The following ANKRD55 variants were observed in gnomAD, a reference collection of about 807,000 sequenced individuals.
The protein encoded by ANKRD55 is ankyrin repeat domain-containing protein 55.
In ANKRD55, 41 loss-of-function variants were observed where a neutral mutation model predicts 60.6. That is an observed-to-expected ratio of 0.68 (90% CI 0.53 to 0.88). The LOEUF (loss-of-function observed/expected upper bound fraction) is 0.88. Ranked by LOEUF, ANKRD55 falls within the 40% of genes least tolerant of loss-of-function variation. The pLI is 0.00. For missense variants in ANKRD55, 732 were observed against 767.6 expected (o/e 0.95, Z 0.55); for synonymous variants, 264 against 290.3 (o/e 0.91, Z 0.92).
intron 2 of ANKRD55, among the ~76,000 whole-genome samples, chr5:56,222,064 C>T (rs866379168): frequency 6.6e-6 from 1 of 152,040 alleles, no homozygotes; most frequent in Non-Finnish European, 1.5e-5. Context: ...GGGTCCCTGA[C>T]CCCCGAGTAG....
chr5:56,172,464 C>T (rs1758631476), intron 4 of ANKRD55, among the ~76,000 whole-genome samples: 1 of 151,928 alleles, frequency 6.6e-6, no homozygotes, highest in Admixed American at 6.6e-5. Flanking sequence ...TTCAGAGTTG[C>T]CAAAGATTTA....
chr5:56,194,548 G>A (rs1245627400), intron 2 of ANKRD55, among the ~76,000 whole-genome samples: 3 of 151,940 alleles, frequency 2.0e-5, no homozygotes, highest in Non-Finnish European at 2.9e-5. Context: ...TAATAAAACC[G>A]CACTTTAAAA....
At chr5:56,226,689 A>G (rs925904617) in intron 2 of ANKRD55, among the ~76,000 whole-genome samples, 4 of 152,254 alleles carry the variant, frequency 2.6e-5, no homozygotes, top group African/African-American at 7.2e-5. Flanking sequence ...GTGTGAACAG[A>G]CACTTCTCAA....
intron 10 of ANKRD55, among the ~76,000 whole-genome samples, chr5:56,109,995 G>A (rs192876662): frequency 7.9e-5 from 12 of 152,008 alleles, no homozygotes; most frequent in Admixed American, 5.2e-4. Flanking sequence ...AGGTTGCAGT[G>A]AGCTGAGATT....
At chr5:56,132,975 C>T (rs1007472438) in intron 7 of ANKRD55, among the ~76,000 whole-genome samples, 5 of 152,140 alleles carry the variant, frequency 3.3e-5, no homozygotes, top group East Asian at 1.9e-4. Context: ...GAAGACATAA[C>T]GATCCTTATG....
chr5:56,125,557 A>G (rs188841), intron 8 of ANKRD55: 61,681 of 151,820 alleles, frequency 0.41, 13,290 homozygotes, highest in African/African-American at 0.55. Context: ...TGGGATTATA[A>G]GTGTGAGCCA....
chr5:56,153,080 G>T (rs465325), intron 6 of ANKRD55, among the ~76,000 whole-genome samples: 11 of 152,140 alleles, frequency 7.2e-5, no homozygotes, highest in African/African-American at 2.7e-4. Context: ...AACTCCTATA[G>T]ATCAATAAGA....
intron 6 of ANKRD55, among the ~76,000 whole-genome samples, chr5:56,153,481 A>G (rs1407146992): frequency 6.6e-6 from 1 of 152,162 alleles, no homozygotes; most frequent in Non-Finnish European, 1.5e-5. Flanking sequence ...ATATCCATTC[A>G]TAGGGGAATG....
At chr5:56,100,592 T>A (rs1482857472) in intron 11 of ANKRD55, among the ~76,000 whole-genome samples, 1 of 152,042 alleles carries the variant, frequency 6.6e-6, no homozygotes, top group South Asian at 2.1e-4. Context: ...TGGAGTGGAG[T>A]AGCTGTTGAT....
chr5:56,193,480 G>A (rs1156371821), intron 2 of ANKRD55: 1 of 485,920 alleles, frequency 2.1e-6, no homozygotes, highest in Non-Finnish European at 3.8e-6. Flanking sequence ...TCACTATGTT[G>A]ATTTTACAAC....
intron 7 of ANKRD55, among the ~76,000 whole-genome samples, chr5:56,130,095 C>A (rs1187831485): frequency 1.3e-5 from 2 of 152,188 alleles, no homozygotes; most frequent in Non-Finnish European, 2.9e-5. Context: ...TTTTAGTTGG[C>A]CTGGACTCCA....
intron 7 of ANKRD55, among the ~76,000 whole-genome samples, chr5:56,130,195 T>G (rs114591460): frequency 0.016 from 2,489 of 152,258 alleles, 41 homozygotes; most frequent in Admixed American, 0.041. Flanking sequence ...GTACCTTTTT[T>G]TAATATACCA....
In ANKRD55 at chr5:56,193,437, T is replaced by C. The variant is rs149590102; in HGVS notation, c.59-9803A>G. On this transcript the variant is annotated intron_variant, in intron 2 of 11. Transcript: ENST00000341048. The stretch of plus-strand genomic sequence containing the variant: ...ACAACTATTATCCTCCTGTAGAGGG[T>C]CCTGGTTGCTGTTCCGATCTTGCAG... 5.2e-4 allele frequency: 281 copies of C among 543,978 alleles called. 1 individual carries two copies. In the African/African-American group the frequency reaches 5.4e-3, roughly 10 times the overall value. The allele number at this position is 543,978 out of a possible 1,614,324, so 33.7% of individuals were successfully genotyped here.
At chr5:56,112,210 A>T (rs1756731679) in intron 9 of ANKRD55, among the ~76,000 whole-genome samples, 1 of 152,130 alleles carries the variant, frequency 6.6e-6, no homozygotes, top group Admixed American at 6.6e-5. Flanking sequence ...AATGAGCAGA[A>T]GGATGGAGGA....
intron 4 of ANKRD55, among the ~76,000 whole-genome samples, chr5:56,172,908 T>G (rs1451447915): frequency 6.6e-6 from 1 of 152,198 alleles, no homozygotes; most frequent in Non-Finnish European, 1.5e-5. Flanking sequence ...CACATAACAT[T>G]GCTCCCAAAA....
intron 2 of ANKRD55, among the ~76,000 whole-genome samples, chr5:56,226,337 T>C (rs2111897200): frequency 6.6e-6 from 1 of 152,288 alleles, no homozygotes; most frequent in South Asian, 2.1e-4. Flanking sequence ...TAATTCAAGA[T>C]GGATTAAATA....
At chr5:56,128,955 C>T (rs1416443031) in intron 7 of ANKRD55, among the ~76,000 whole-genome samples, 1 of 152,176 alleles carries the variant, frequency 6.6e-6, no homozygotes, top group Non-Finnish European at 1.5e-5. Flanking sequence ...TACATCAGTA[C>T]CAGTGACGTG....
At chr5:56,100,689 C>T (rs541082052) in intron 11 of ANKRD55, among the ~76,000 whole-genome samples, 5 of 152,304 alleles carry the variant, frequency 3.3e-5, no homozygotes, top group African/African-American at 1.2e-4. Context: ...TCTCAGGCTT[C>T]TTTTAAGAAA....
chr5:56,193,098 C>A, intron 2 of ANKRD55: 1 of 725,110 alleles, frequency 1.4e-6, no homozygotes, highest in Non-Finnish European at 2.2e-6. Context: ...TGGCTTCTTT[C>A]AAAATATGAT....
Sources: gnomAD v4.1 joint callset for allele counts (sites outside exome capture counted in the v4.1 genomes callset) on GRCh38, gnomAD v4.1.1 for gene constraint, MANE v1.5 for transcripts, NCBI Gene and HGNC (gene_info 2026-07-23, HGNC 2026-07-21) for gene names.